LSAMP: variants seen among roughly 807,000 people sequenced by gnomAD.
LSAMP encodes limbic system associated membrane protein, also known as limbic system-associated membrane protein.
In LSAMP, 7 loss-of-function variants were observed where a neutral mutation model predicts 38.6. That is an observed-to-expected ratio of 0.18 (90% CI 0.10 to 0.34). The LOEUF (loss-of-function observed/expected upper bound fraction) is 0.34, where lower values mean the gene tolerates loss of function less well. Ranked by LOEUF, LSAMP falls within the 10% of genes least tolerant of loss-of-function variation. The pLI, the probability that LSAMP is intolerant of heterozygous loss-of-function variation, is 1.00. For synonymous variants in LSAMP, 154 were observed against 166.8 expected (o/e 0.92, Z 0.59); for missense variants, 313 against 420.0 (o/e 0.75, Z 2.23).
At chr3:116,319,388 G>A (rs2047677340) in intron 1 of LSAMP, among the ~76,000 whole-genome samples, 1 of 152,120 alleles carries the variant, frequency 6.6e-6, no homozygotes. Flanking sequence ...TATACAGATA[G>A]TTACATGATT....
At chr3:115,954,037 G>A (rs1004165883) in intron 3 of LSAMP, among the ~76,000 whole-genome samples, 2 of 152,060 alleles carry the variant, frequency 1.3e-5, no homozygotes, top group Admixed American at 6.6e-5. Flanking sequence ...ATTTTTTTCT[G>A]TCACATATGA....
chr3:115,973,032 T>C (rs893430977), intron 3 of LSAMP, among the ~76,000 whole-genome samples: 6 of 151,958 alleles, frequency 3.9e-5, no homozygotes, highest in African/African-American at 1.5e-4. Flanking sequence ...GAGAAGGACA[T>C]GTTGTAGTTT....
At chr3:115,922,040 T>C (rs1937394322) in intron 3 of LSAMP, among the ~76,000 whole-genome samples, 1 of 152,202 alleles carries the variant, frequency 6.6e-6, no homozygotes, top group Non-Finnish European at 1.5e-5. Context: ...AATTTTTGTT[T>C]GTAAAATACT....
intron 1 of LSAMP, among the ~76,000 whole-genome samples, chr3:116,351,558 C>G (rs1399250549): frequency 1.5e-5 from 2 of 135,202 alleles, no homozygotes; most frequent in African/African-American, 3.4e-5. Flanking sequence ...TCCTTGTCAA[C>G]TCAATACAGT....
intron 1 of LSAMP, among the ~76,000 whole-genome samples, chr3:116,157,045 C>T (rs984487294): frequency 5.3e-5 from 8 of 152,094 alleles, no homozygotes; most frequent in African/African-American, 1.7e-4. Flanking sequence ...GGTGATCAAT[C>T]TTAGCCCAGA....
chr3:116,282,954 C>T (rs1200399355), intron 1 of LSAMP, among the ~76,000 whole-genome samples: 1 of 152,116 alleles, frequency 6.6e-6, no homozygotes, highest in Non-Finnish European at 1.5e-5. Flanking sequence ...TTCTTACCCT[C>T]ATCCTGCTCT....
intron 1 of LSAMP, among the ~76,000 whole-genome samples, chr3:116,247,865 T>C (rs2046623974): frequency 6.6e-6 from 1 of 152,172 alleles, no homozygotes; most frequent in Admixed American, 6.5e-5. Context: ...TCTGAGACAG[T>C]TTAACATCAC....
chr3:116,420,547 T>C (rs1170832545), intron 1 of LSAMP, among the ~76,000 whole-genome samples: 1 of 152,164 alleles, frequency 6.6e-6, no homozygotes, highest in Non-Finnish European at 1.5e-5. Flanking sequence ...GAACCATTGT[T>C]TTCTTCTGAA....
At chr3:115,968,647 C>A (rs554621356) in intron 3 of LSAMP, among the ~76,000 whole-genome samples, 77 of 152,300 alleles carry the variant, frequency 5.1e-4, no homozygotes, top group Non-Finnish European at 9.7e-4. Flanking sequence ...CTGTGAGCTG[C>A]ACTGCCTGGG....
intron 1 of LSAMP, among the ~76,000 whole-genome samples, chr3:116,355,074 TA>T (rs1424858123): frequency 6.6e-6 from 1 of 152,140 alleles, no homozygotes; most frequent in African/African-American, 2.4e-5. Context: ...TTCTATAAAA[TA>T]AAATCGATGA....
intron 2 of LSAMP, among the ~76,000 whole-genome samples, chr3:116,031,901 C>T (rs1489918010): frequency 1.3e-5 from 2 of 151,922 alleles, no homozygotes; most frequent in African/African-American, 2.4e-5. Flanking sequence ...AATACATTCA[C>T]GTCAATTTTA....
At chr3:116,381,146 T>C (rs1338539436) in intron 1 of LSAMP, among the ~76,000 whole-genome samples, 2 of 152,100 alleles carry the variant, frequency 1.3e-5, no homozygotes, top group East Asian at 1.9e-4. Context: ...AGAGAAAAAT[T>C]TAATCTAGAT....
intron 1 of LSAMP, among the ~76,000 whole-genome samples, chr3:116,251,242 C>A (rs2046680954): frequency 6.6e-6 from 1 of 152,216 alleles, no homozygotes; most frequent in Non-Finnish European, 1.5e-5. Flanking sequence ...ATCAATTTAA[C>A]TTATGATTTC....
At chr3:115,841,788 T>G in intron 6 of LSAMP, 57 bp downstream of exon 6, 4 of 1,536,938 alleles carry the variant, frequency 2.6e-6, no homozygotes, top group Non-Finnish European at 2.6e-6. Flanking sequence ...TTTCACGTTT[T>G]TCATGTGAAA....
chr3:116,231,042 A>G (rs374843577), intron 1 of LSAMP, among the ~76,000 whole-genome samples: 20 of 152,258 alleles, frequency 1.3e-4, no homozygotes, highest in African/African-American at 3.9e-4. Context: ...GTGAGAGAAC[A>G]CAAAGAAGCT....
At chr3:116,066,191 G>A (rs1707423626) in intron 2 of LSAMP, among the ~76,000 whole-genome samples, 1 of 152,144 alleles carries the variant, frequency 6.6e-6, no homozygotes, top group African/African-American at 2.4e-5. Flanking sequence ...AGTATGGAAG[G>A]GGAAAGGGAC....
intron 3 of LSAMP, among the ~76,000 whole-genome samples, chr3:115,940,121 C>T (rs969020038): frequency 6.6e-6 from 1 of 152,112 alleles, no homozygotes; most frequent in Admixed American, 6.5e-5. Context: ...GTCTTGCTGA[C>T]TTCAGGAGTG....
intron 1 of LSAMP, among the ~76,000 whole-genome samples, chr3:116,338,553 T>C (rs1375285362): frequency 6.6e-6 from 1 of 152,026 alleles, no homozygotes; most frequent in Non-Finnish European, 1.5e-5. Context: ...CTTTATTCTT[T>C]TATTTTCAAT....
chr3:116,114,188 C>A (rs1290781846), intron 1 of LSAMP, among the ~76,000 whole-genome samples: 1 of 152,190 alleles, frequency 6.6e-6, no homozygotes. Flanking sequence ...ATACCTATAG[C>A]ACCCCATGCT....
Sources: allele counts gnomAD v4.1 joint callset (sites outside exome capture counted in the v4.1 genomes callset), GRCh38; gene constraint gnomAD v4.1.1; transcripts MANE v1.5; gene names NCBI Gene and HGNC (gene_info 2026-07-23, HGNC 2026-07-21).